The following SNX29 variants were observed in gnomAD, a reference collection of about 807,000 sequenced individuals.
SNX29 encodes sorting nexin 29.
In SNX29, 78 loss-of-function variants were observed where a neutral mutation model predicts 102.1. That is an observed-to-expected ratio of 0.76 (90% confidence interval 0.64 to 0.92). The LOEUF is 0.92. Ranked by LOEUF, SNX29 falls within the 40% of genes least tolerant of loss-of-function variation. SNX29 has a pLI of 0.00. For synonymous variants in SNX29, 580 were observed against 414.5 expected (o/e 1.40, Z -4.85); for missense variants, 1,280 against 1,061.7 (o/e 1.21, Z -2.86).
chr16:12,314,977 C>T (rs910149815), intron 15 of SNX29, among the ~76,000 whole-genome samples: 3 of 152,162 alleles, frequency 2.0e-5, no homozygotes, highest in South Asian at 4.1e-4. Flanking sequence ...ATTAGCAAAC[C>T]ACAAGTTCCA....
intron 15 of SNX29, among the ~76,000 whole-genome samples, chr16:12,290,566 T>A (rs2079759329): frequency 6.6e-6 from 1 of 152,242 alleles, no homozygotes; most frequent in Non-Finnish European, 1.5e-5. Context: ...ACCTGGTTGA[T>A]GCTTGTATGA....
rs1417167019 is a variant in SNX29 at position 12,383,785 on chromosome 16, T to A, written c.1900-14661T>A. ...TACGTCAACTTTCTTTTTTTTTTTT[T>A]TTTTTTGCTATCAAATACCATATCT... On this transcript the variant is annotated intron_variant, in intron 16 of 20. Transcript: ENST00000566228. Among the ~76,000 whole-genome samples, 4 of 150,706 alleles carry A rather than the reference T, an allele frequency of 2.7e-5. No individual in the cohort carries two copies. The East Asian group carries it at 5.8e-4, about 22-fold the overall frequency.
chr16:12,519,573 A>G (rs1463588228), intron 19 of SNX29, among the ~76,000 whole-genome samples: 1 of 152,234 alleles, frequency 6.6e-6, no homozygotes, highest in East Asian at 1.9e-4. Context: ...CATGACTATA[A>G]TTTACCTTAA....
intron 18 of SNX29, among the ~76,000 whole-genome samples, chr16:12,471,385 T>C (rs2087333999): frequency 6.6e-6 from 1 of 152,226 alleles, no homozygotes. Flanking sequence ...TCCAAAGACT[T>C]AGCCTCTAGC....
intron 20 of SNX29, among the ~76,000 whole-genome samples, chr16:12,529,232 G>A (rs566520059): frequency 2.0e-5 from 3 of 152,250 alleles, no homozygotes; most frequent in African/African-American, 7.2e-5. Flanking sequence ...TGGCCCAGGG[G>A]GGACCAGAGT....
Position 12,403,533 on chromosome 16 carries a change from A to G in SNX29, c.2037+4A>G, listed in dbSNP as rs1314558101. On this transcript the variant is annotated splice_donor_region_variant and intron_variant, in intron 18 of 20. Transcript: ENST00000566228. ...AAATGCATTCCACGTGTATCAGGTG[A>G]GTGCCTGGTTTTCAGGTGGACATCA... 15 of 1,601,184 alleles carry G rather than the reference A, an allele frequency of 9.4e-6. No homozygotes were observed. The highest frequency in any genetic ancestry group is 1.2e-5 in the Non-Finnish European group (14 of 1,173,522).
At chr16:12,460,901 A>G (rs1404235554) in intron 18 of SNX29, among the ~76,000 whole-genome samples, 1 of 152,102 alleles carries the variant, frequency 6.6e-6, no homozygotes, top group East Asian at 1.9e-4. Context: ...TCAGCCTTCC[A>G]AAGTGCTGGT....
intron 20 of SNX29, among the ~76,000 whole-genome samples, chr16:12,564,852 G>C (rs1163615225): frequency 1.3e-5 from 2 of 151,432 alleles, no homozygotes; most frequent in Non-Finnish European, 2.9e-5. Flanking sequence ...AGCTAACAAG[G>C]GCTATGAGAG....
At chr16:12,279,477 C>G (rs1421724628) in intron 15 of SNX29, among the ~76,000 whole-genome samples, 1 of 152,230 alleles carries the variant, frequency 6.6e-6, no homozygotes, top group African/African-American at 2.4e-5. Flanking sequence ...GGCCTGGGGA[C>G]AGGGCACTCC....
chr16:12,236,468 A>G (rs1035269855), intron 14 of SNX29, among the ~76,000 whole-genome samples: 17 of 152,190 alleles, frequency 1.1e-4, no homozygotes, highest in African/African-American at 3.9e-4. Context: ...ATTTACTGCA[A>G]TGGTTGGTGC....
intron 13 of SNX29, among the ~76,000 whole-genome samples, chr16:12,189,535 G>A (rs531600862): frequency 5.3e-5 from 8 of 152,274 alleles, no homozygotes; most frequent in Admixed American, 1.3e-4. Context: ...CTGGCAGGTG[G>A]TGCATGGCTT....
intron 8 of SNX29, among the ~76,000 whole-genome samples, chr16:12,056,847 C>T (rs1014845338): frequency 6.6e-5 from 10 of 151,970 alleles, no homozygotes; most frequent in African/African-American, 2.4e-4. Context: ...TTTTTTGAGA[C>T]AGGTCTTGCT....
At chr16:12,180,954 C>G (rs1407255910) in intron 13 of SNX29, among the ~76,000 whole-genome samples, 1 of 152,102 alleles carries the variant, frequency 6.6e-6, no homozygotes, top group East Asian at 1.9e-4. Context: ...TTCTTTTTCC[C>G]TCTTCTCTAA....
At chr16:12,168,665 C>T (rs2141725383) in intron 13 of SNX29, among the ~76,000 whole-genome samples, 1 of 152,358 alleles carries the variant, frequency 6.6e-6, no homozygotes, top group East Asian at 1.9e-4. Context: ...CCCTTTGCTT[C>T]ATCTCTCATC....
chr16:12,322,211 A>G (rs1010750834), intron 15 of SNX29, among the ~76,000 whole-genome samples: 1 of 152,160 alleles, frequency 6.6e-6, no homozygotes, highest in Non-Finnish European at 1.5e-5. Context: ...CACGCTAGTG[A>G]TGGGAGTGGG....
rs371477615 is a variant in SNX29, at chr16:11,982,493, G to A, written c.7+5680G>A. 2.3e-4 allele frequency among the ~76,000 whole-genome samples: 34 copies of A among 146,392 alleles called. No individual in the cohort carries two copies. In the East Asian group the frequency reaches 4.1e-3, roughly 18 times the overall value. On this transcript the variant is annotated intron_variant, in intron 1 of 20. Transcript: ENST00000566228. ...CACCCAGGCTGGAGTGCAGTGATGC[G>A]ATCTCGGCTCACTGCCAGCTCTGCC...
At chr16:12,091,908 T>C (rs1283303837) in intron 11 of SNX29, among the ~76,000 whole-genome samples, 1 of 152,090 alleles carries the variant, frequency 6.6e-6, no homozygotes, top group Non-Finnish European at 1.5e-5. Flanking sequence ...GTCGGTGCCT[T>C]GATCTTGGAC....
At chr16:11,983,631 C>A in intron 1 of SNX29, 3 of 985,268 alleles carry the variant, frequency 3.0e-6, no homozygotes, top group South Asian at 9.4e-5. Context: ...AAACAGTTGA[C>A]CCCCACCTCT....
At chr16:12,328,169 C>G (rs2081179442) in intron 15 of SNX29, among the ~76,000 whole-genome samples, 1 of 152,152 alleles carries the variant, frequency 6.6e-6, no homozygotes, top group African/African-American at 2.4e-5. Context: ...GGCACAGTGC[C>G]TCCCGCAGAG....
Sources: gnomAD v4.1 joint callset for allele counts (sites outside exome capture counted in the v4.1 genomes callset) on GRCh38, gnomAD v4.1.1 for gene constraint, MANE v1.5 for transcripts, NCBI Gene and HGNC (gene_info 2026-07-23, HGNC 2026-07-21) for gene names.